Variants in LRP1B observed in about 807,000 individuals in gnomAD.
LRP1B encodes the protein low-density lipoprotein receptor-related protein 1B.
In LRP1B, 217 loss-of-function variants were observed where a neutral mutation model predicts 556.6. The observed-to-expected ratio is 0.39, with a 90% CI of 0.35 to 0.44. The LOEUF is 0.44. Among genes scored for constraint, LRP1B ranks in the 20% least tolerant of loss-of-function variants. The probability of loss-of-function intolerance (pLI) is 1.00; values close to 1 mark genes in which losing one functional copy is unlikely to be tolerated. For missense variants in LRP1B, 5,053 were observed against 5,620.8 expected (o/e 0.90, Z 3.23); for synonymous variants, 2,047 against 1,865.8 (o/e 1.10, Z -2.50).
intron 2 of LRP1B, among the ~76,000 whole-genome samples, chr2:141,499,701 A>C (rs938083622): frequency 9.9e-5 from 15 of 152,198 alleles, no homozygotes; most frequent in African/African-American, 3.1e-4. Context: ...TTAAAGTATG[A>C]CATTTTTAAG....
intron 1 of LRP1B, among the ~76,000 whole-genome samples, chr2:142,044,791 A>ATGTTAGCAATTAACATGAAAATG (rs35923350): frequency 2.0e-5 from 3 of 151,190 alleles, no homozygotes; most frequent in Non-Finnish European, 4.4e-5. Flanking sequence ...TAACATGAAA[A>ATGTTAGCAATTAACATGAAAATG]TTAACGGTTA....
At chr2:141,079,756 T>C (rs1699879233) in intron 7 of LRP1B, among the ~76,000 whole-genome samples, 1 of 152,224 alleles carries the variant, frequency 6.6e-6, no homozygotes, top group Admixed American at 6.5e-5. Flanking sequence ...ATGAAGACTA[T>C]GTAAAAACTT....
chr2:140,430,992 G>A (rs1376638784), intron 66 of LRP1B, among the ~76,000 whole-genome samples: 1 of 152,146 alleles, frequency 6.6e-6, no homozygotes, highest in Non-Finnish European at 1.5e-5. Context: ...CACTGGATGG[G>A]TAGAGGCCTT....
At chr2:141,207,945 G>C (rs553660808) in intron 6 of LRP1B, 1 of 152,406 alleles carries the variant, frequency 6.6e-6, no homozygotes, top group South Asian at 2.1e-4. Flanking sequence ...CAAAGTGCTA[G>C]GATTACAGGC....
intron 1 of LRP1B, among the ~76,000 whole-genome samples, chr2:141,850,034 A>C (rs1247316165): frequency 6.6e-6 from 1 of 151,682 alleles, no homozygotes; most frequent in East Asian, 1.9e-4. Flanking sequence ...AATAGCAAAA[A>C]CCATCAGTAG....
At chr2:141,277,006 A>G (rs1685325127) in intron 3 of LRP1B, among the ~76,000 whole-genome samples, 7 of 152,140 alleles carry the variant, frequency 4.6e-5, no homozygotes, top group Admixed American at 4.6e-4. Flanking sequence ...TCCATGGTGT[A>G]CATGTGTCAA....
intron 35 of LRP1B, among the ~76,000 whole-genome samples, chr2:140,754,089 A>G (rs1250764737): frequency 2.6e-5 from 4 of 152,226 alleles, no homozygotes; most frequent in Non-Finnish European, 5.9e-5. Context: ...GAAGCAGTCC[A>G]TAAGAATGGA....
At chr2:140,938,795 A>C (rs1220301207) in intron 20 of LRP1B, among the ~76,000 whole-genome samples, 2 of 144,950 alleles carry the variant, frequency 1.4e-5, no homozygotes, top group Non-Finnish European at 3.1e-5. Flanking sequence ...CTATATTATC[A>C]ACAGTGTCTT....
rs1296885719 is a variant in LRP1B at position 142,115,642 on chromosome 2, AAT to A, written c.82+15004_82+15005del. Among the ~76,000 whole-genome samples, 163 of 18,400 alleles carry A rather than the reference AAT, an allele frequency of 8.9e-3. 63 individuals are homozygous for A. Among genetic ancestry groups the A allele is most frequent in the Admixed American group, 0.032 (19 of 602 alleles). The allele number at this position is 18,400 out of a possible 152,430, so 12.1% of individuals were successfully genotyped here. On this transcript the variant is annotated intron_variant, in intron 1 of 90. Transcript: ENST00000389484. ...TATGTAATATATATATTATATATGT[AAT>A]ATATATATTATATGTAATATATATA...
chr2:140,740,021 AG>A (rs1688083922), intron 35 of LRP1B, among the ~76,000 whole-genome samples: 1 of 152,200 alleles, frequency 6.6e-6, no homozygotes, highest in Admixed American at 6.5e-5. Context: ...ATCAAAAAAC[AG>A]TAGTTGTTGG....
At chr2:141,758,527 G>A (rs1282677620) in intron 2 of LRP1B, among the ~76,000 whole-genome samples, 2 of 151,740 alleles carry the variant, frequency 1.3e-5, no homozygotes, top group Non-Finnish European at 1.5e-5. Context: ...ATAAAGAATG[G>A]GATAAAACAT....
intron 45 of LRP1B, among the ~76,000 whole-genome samples, chr2:140,537,244 G>A (rs1446896952): frequency 6.8e-6 from 1 of 148,098 alleles, no homozygotes; most frequent in Non-Finnish European, 1.5e-5. Context: ...TATTATTATT[G>A]TTTTTTAAAA....
At chr2:141,921,774 G>A (rs2104974589) in intron 1 of LRP1B, among the ~76,000 whole-genome samples, 1 of 151,892 alleles carries the variant, frequency 6.6e-6, no homozygotes, top group Middle Eastern at 3.5e-3. Flanking sequence ...TAATTCAATA[G>A]AAAGCAAATA....
chr2:141,473,187 T>G (rs1682545315), intron 3 of LRP1B, among the ~76,000 whole-genome samples: 1 of 152,150 alleles, frequency 6.6e-6, no homozygotes, highest in Admixed American at 6.5e-5. Flanking sequence ...TATTTCTAAT[T>G]AAACAGAATT....
At chr2:140,378,594 A>G (rs1683338649) in intron 67 of LRP1B, among the ~76,000 whole-genome samples, 1 of 152,158 alleles carries the variant, frequency 6.6e-6, no homozygotes, top group Non-Finnish European at 1.5e-5. Flanking sequence ...ATACTGTAAC[A>G]ATGATCTTTT....
chr2:140,322,840 C>CAAATGCCTATT (rs1429937150), intron 81 of LRP1B, among the ~76,000 whole-genome samples: 1 of 151,888 alleles, frequency 6.6e-6, no homozygotes, highest in African/African-American at 2.4e-5. Context: ...AACCACTACT[C>CAAATGCCTATT]AAATGCCTAT....
intron 66 of LRP1B, among the ~76,000 whole-genome samples, chr2:140,417,908 T>C (rs183204777): frequency 2.0e-5 from 3 of 152,310 alleles, no homozygotes; most frequent in Admixed American, 2.0e-4. Context: ...TGTGAGGGGA[T>C]AGAAACAGAG....
Position 140,970,628 on chromosome 2 carries a change from C to G in LRP1B, c.2887+11532G>C, listed in dbSNP as rs111788534. Among the ~76,000 whole-genome samples, 1,791 of 151,158 alleles carry G rather than the reference C, an allele frequency of 0.012. 70 individuals carry two copies. The East Asian group carries it at 0.14, about 12-fold the overall frequency. On this transcript the variant is annotated intron_variant, in intron 18 of 90. Coordinates refer to ENST00000389484, the MANE Select transcript of LRP1B (RefSeq NM_018557.3). ...TTTTCTGCATCACTCATGCTGGGAG[C>G]TGCAGACTGGAGCTGTTCCTATTTG...
chr2:140,515,832 A>G (rs1293993768), intron 50 of LRP1B, among the ~76,000 whole-genome samples: 1 of 152,098 alleles, frequency 6.6e-6, no homozygotes, highest in African/African-American at 2.4e-5. Flanking sequence ...TTCACATTTC[A>G]TGATGACATT....
Sources: gnomAD v4.1 joint callset for allele counts (sites outside exome capture counted in the v4.1 genomes callset) on GRCh38, gnomAD v4.1.1 for gene constraint, MANE v1.5 for transcripts, NCBI Gene and HGNC (gene_info 2026-07-23, HGNC 2026-07-21) for gene names.